Variants in HS6ST3 observed in about 807,000 individuals in gnomAD.
HS6ST3 encodes heparan-sulfate 6-O-sulfotransferase 3.
In HS6ST3, 12 loss-of-function variants were observed where a neutral mutation model predicts 36.7. That is an observed-to-expected ratio of 0.33 (90% CI 0.21 to 0.53). The LOEUF is 0.53. Among genes scored for constraint, HS6ST3 ranks in the 20% least tolerant of loss-of-function variants. The pLI is 0.95. For synonymous variants in HS6ST3, 240 were observed against 257.5 expected, an observed-to-expected ratio of 0.93 and a Z score of 0.65; for missense variants, 584 against 640.9, an observed-to-expected ratio of 0.91 and a Z score of 0.96.
At chr13:96,646,209 A>G (rs2139009634) in intron 1 of HS6ST3, among the ~76,000 whole-genome samples, 1 of 152,128 alleles carries the variant, frequency 6.6e-6, no homozygotes, top group Non-Finnish European at 1.5e-5. Context: ...AATTTATTGG[A>G]TGCATGTCAT....
chr13:96,433,020 A>G (rs933522818), intron 1 of HS6ST3, among the ~76,000 whole-genome samples: 14 of 152,218 alleles, frequency 9.2e-5, no homozygotes, highest in African/African-American at 3.1e-4. Flanking sequence ...TTGGCTAATA[A>G]ATAGTAAGAA....
intron 1 of HS6ST3, among the ~76,000 whole-genome samples, chr13:96,282,945 A>G (rs191811609): frequency 1.3e-5 from 2 of 152,292 alleles, no homozygotes; most frequent in Non-Finnish European, 2.9e-5. Context: ...AAGCCTGGTT[A>G]CCTAAGAGCA....
At chr13:96,363,127 GCA>G (rs1491264694) in intron 1 of HS6ST3, among the ~76,000 whole-genome samples, 1 of 151,804 alleles carries the variant, frequency 6.6e-6, no homozygotes, top group African/African-American at 2.4e-5. Flanking sequence ...GCATAGGACT[GCA>G]CACACACACT....
At chr13:96,539,516 C>T (rs1419121013) in intron 1 of HS6ST3, among the ~76,000 whole-genome samples, 5 of 152,028 alleles carry the variant, frequency 3.3e-5, no homozygotes, top group Admixed American at 1.3e-4. Context: ...CCACCATACC[C>T]AGCTGATTTT....
chr13:96,161,687 C>A (rs1555388826), intron 1 of HS6ST3, among the ~76,000 whole-genome samples: 5 of 152,112 alleles, frequency 3.3e-5, no homozygotes, highest in Non-Finnish European at 7.3e-5. Context: ...ACACAAAACT[C>A]AGAGAAATAT....
Position 96,742,350 on chromosome 13 carries a change from C to A in HS6ST3, c.708-90140C>A, listed in dbSNP as rs541336011. Reference sequence around the variant, plus strand: ...ATCCATAATCTCAATGGATACATGGCCAAACTGTAGCTTTAATACAGAGAT... The same window carrying A: ...ATCCATAATCTCAATGGATACATGGACAAACTGTAGCTTTAATACAGAGAT... On this transcript the variant is annotated intron_variant, in intron 1 of 1. Transcript: ENST00000376705. Among the ~76,000 whole-genome samples, 9 of 152,044 alleles carry A rather than the reference C, an allele frequency of 5.9e-5. No homozygotes were observed. In the South Asian group the frequency reaches 1.9e-3, roughly 32 times the overall value.
chr13:96,668,858 G>T (rs893652432), intron 1 of HS6ST3, among the ~76,000 whole-genome samples: 1 of 150,682 alleles, frequency 6.6e-6, no homozygotes, highest in Non-Finnish European at 1.5e-5. Context: ...TTGAGGATAA[G>T]AATTCTTGCT....
At chr13:96,257,631 C>T (rs2139381162) in intron 1 of HS6ST3, among the ~76,000 whole-genome samples, 1 of 152,204 alleles carries the variant, frequency 6.6e-6, no homozygotes, top group Admixed American at 6.5e-5. Context: ...TTTTAAAATG[C>T]TCATTACAGT....
intron 1 of HS6ST3, among the ~76,000 whole-genome samples, chr13:96,638,402 A>G (rs1015469368): frequency 6.6e-6 from 1 of 152,042 alleles, no homozygotes; most frequent in African/African-American, 2.4e-5. Context: ...TAGGCAAGTT[A>G]CATACCCTCT....
chr13:96,594,884 C>T (rs1365859071), intron 1 of HS6ST3, among the ~76,000 whole-genome samples: 1 of 152,000 alleles, frequency 6.6e-6, no homozygotes, highest in Non-Finnish European at 1.5e-5. Context: ...TTTAAGATGG[C>T]ATTTCTTTTA....
At chr13:96,385,092 T>A (rs920451248) in intron 1 of HS6ST3, among the ~76,000 whole-genome samples, 6 of 149,602 alleles carry the variant, frequency 4.0e-5, no homozygotes, top group Non-Finnish European at 8.9e-5. Flanking sequence ...GGCAAGAGAA[T>A]CGCTTGAACC....
chr13:96,578,449 C>A (rs2056329671), intron 1 of HS6ST3, among the ~76,000 whole-genome samples: 1 of 152,204 alleles, frequency 6.6e-6, no homozygotes, highest in Non-Finnish European at 1.5e-5. Context: ...GTGCCCACTA[C>A]CTGCAGTGTG....
intron 1 of HS6ST3, among the ~76,000 whole-genome samples, chr13:96,441,323 A>G (rs1480579664): frequency 2.0e-5 from 3 of 152,010 alleles, no homozygotes. Context: ...ACTGGGGAGC[A>G]TCAAGAAAAT....
chr13:96,556,755 T>C (rs2056242493), intron 1 of HS6ST3, among the ~76,000 whole-genome samples: 1 of 152,170 alleles, frequency 6.6e-6, no homozygotes, highest in Non-Finnish European at 1.5e-5. Context: ...AACTATTTTG[T>C]CTGTGTTCCC....
intron 1 of HS6ST3, among the ~76,000 whole-genome samples, chr13:96,267,387 T>A (rs569474750): frequency 6.6e-6 from 1 of 152,308 alleles, no homozygotes; most frequent in South Asian, 2.1e-4. Context: ...ATTCTAAATC[T>A]TTTAGAATTT....
chr13:96,444,908 A>G (rs926876832), intron 1 of HS6ST3, among the ~76,000 whole-genome samples: 1 of 152,158 alleles, frequency 6.6e-6, no homozygotes, highest in Non-Finnish European at 1.5e-5. Flanking sequence ...TTCAAACTGC[A>G]CTTGAATCTC....
chr13:96,778,083 C>T (rs1456923512), intron 1 of HS6ST3, among the ~76,000 whole-genome samples: 1 of 152,202 alleles, frequency 6.6e-6, no homozygotes, highest in African/African-American at 2.4e-5. Context: ...AAAGGATTCC[C>T]TGTTTAATAA....
intron 1 of HS6ST3, among the ~76,000 whole-genome samples, chr13:96,155,809 A>C (rs1394731475): frequency 1.3e-5 from 2 of 152,200 alleles, no homozygotes; most frequent in African/African-American, 4.8e-5. Flanking sequence ...TCTCTGAGTG[A>C]ATAGGAAGGA....
At position 96,317,348 on chromosome 13, in the gene HS6ST3, A is replaced by ATATATATATATATATAAAAT. The variant is rs2054977122; in HGVS notation, c.707+225795_707+225796insAAATTATATATATATATATA. Among the ~76,000 whole-genome samples, 34 of 30,464 alleles carry ATATATATATATATATAAAAT rather than the reference A, an allele frequency of 1.1e-3. No individual in the cohort carries two copies. In the South Asian group the frequency reaches 0.041, roughly 37 times the overall value. The allele number at this position is 30,464 out of a possible 152,430, so 20.0% of individuals were successfully genotyped here. On this transcript the variant is annotated intron_variant, in intron 1 of 1. Coordinates refer to ENST00000376705, the MANE Select transcript of HS6ST3 (RefSeq NM_153456.4). ...CCATTATATATATATATATATATAT[A>ATATATATATATATATAAAAT]TATATATATATATATATATAAAATT...
Sources: allele counts gnomAD v4.1 joint callset (sites outside exome capture counted in the v4.1 genomes callset), GRCh38; gene constraint gnomAD v4.1.1; transcripts MANE v1.5; gene names NCBI Gene and HGNC (gene_info 2026-07-23, HGNC 2026-07-21).